Variants in FREM1 observed in about 807,000 individuals in gnomAD.
FREM1 encodes the protein FRAS1-related extracellular matrix protein 1.
In FREM1, 220 loss-of-function variants were observed where a neutral mutation model predicts 210.1. The observed-to-expected ratio is 1.05, with a 90% CI of 0.94 to 1.17. The LOEUF is 1.17. Among genes scored for constraint, FREM1 ranks in the 50% most tolerant of loss-of-function variants. The pLI, the probability that FREM1 is intolerant of heterozygous loss-of-function variation, is 0.00. For synonymous variants in FREM1, 1,189 were observed against 980.2 expected, an observed-to-expected ratio of 1.21 and a Z score of -3.98; for missense variants, 3,454 against 2,675.5, an observed-to-expected ratio of 1.29 and a Z score of -6.42.
At chr9:14,860,579 A>G (rs1277240246) in intron 3 of FREM1, among the ~76,000 whole-genome samples, 3 of 140,224 alleles carry the variant, frequency 2.1e-5, no homozygotes, top group African/African-American at 8.6e-5. Context: ...ACACATATAT[A>G]TACACATATA....
At chr9:14,891,896 T>C (rs1304780463) in intron 1 of FREM1, among the ~76,000 whole-genome samples, 2 of 152,130 alleles carry the variant, frequency 1.3e-5, no homozygotes, top group African/African-American at 2.4e-5. Context: ...CTTTAAGAGA[T>C]TGAGGTCTTG....
chr9:14,892,473 A>C (rs1350823731), intron 1 of FREM1, among the ~76,000 whole-genome samples: 2 of 152,066 alleles, frequency 1.3e-5, no homozygotes, highest in Non-Finnish European at 2.9e-5. Flanking sequence ...TTGAGACCCA[A>C]CTTATGAAAG....
intron 23 of FREM1, among the ~76,000 whole-genome samples, chr9:14,785,253 G>C (rs1016425625): frequency 2.0e-5 from 3 of 152,220 alleles, no homozygotes; most frequent in African/African-American, 7.2e-5. Context: ...TCATGCAGTA[G>C]TCAAATGAAT....
chr9:14,827,950 G>A (rs1046309397), intron 10 of FREM1, among the ~76,000 whole-genome samples: 5 of 152,238 alleles, frequency 3.3e-5, no homozygotes, highest in African/African-American at 1.2e-4. Flanking sequence ...CTTGTGTGCA[G>A]AGTGCAAGAG....
chr9:14,792,016 T>C (rs1208406208), intron 22 of FREM1, among the ~76,000 whole-genome samples: 2 of 152,056 alleles, frequency 1.3e-5, no homozygotes, highest in African/African-American at 4.8e-5. Flanking sequence ...GGCTAATTTT[T>C]GCATTTTTAG....
chr9:14,841,535 T>C lies in FREM1; in HGVS notation c.1793A>G (p.Tyr598Cys), dbSNP rs1825696047. Residue 598 changes from tyrosine (Y) to cysteine (C), a missense_variant, in exon 10 of 37, where the codon TAT becomes TGT. Tyr to Cys is a radical substitution (Grantham distance 194, BLOSUM62 -2). Coordinates refer to ENST00000380880, the MANE Select transcript of FREM1 (RefSeq NM_001379081.2). ...QRDLFNGIIY[Y>C]RHFGGEIFED... is the part of the protein sequence containing the mutation. ...AAAGATTTCTCCACCAAAATGACGA[T>C]AATAAATGATTCCATTAAACAAATC... 1.9e-6 allele frequency: 3 copies of C among 1,612,374 alleles called. No homozygotes were observed. The highest frequency in any genetic ancestry group is 1.1e-5 in the South Asian group (1 of 90,876).
Position 14,805,075 on chromosome 9 carries a change from C to T in FREM1, c.3352G>A (p.Ala1118Thr), listed in dbSNP as rs1445338405. 13 of 1,613,014 alleles carry T rather than the reference C, an allele frequency of 8.1e-6. No individual in the cohort carries two copies. The highest frequency in any genetic ancestry group is 1.0e-5 in the Non-Finnish European group (12 of 1,179,238). ...QSRHLRIEPT[A>T]DQFTVYVTDG... is the part of the protein sequence containing the mutation. Reference sequence around the variant, plus strand: ...GTGACGTACACCGTGAACTGGTCGGCAGTTGGTTCTATCCTCAGATGCCTG... The same window carrying T: ...GTGACGTACACCGTGAACTGGTCGGTAGTTGGTTCTATCCTCAGATGCCTG... Residue 1118 changes from alanine to threonine, a missense_variant, in exon 19 of 37, where the codon GCC becomes ACC. Coordinates refer to ENST00000380880, the MANE Select transcript of FREM1 (RefSeq NM_001379081.2).
chr9:14,816,999 A>ACAG (rs1820430152), intron 14 of FREM1, 128 bp from the exon 15 acceptor site: 1 of 401,670 alleles, frequency 2.5e-6, no homozygotes, highest in African/African-American at 2.0e-5. Context: ...AACAACAACA[A>ACAG]CAACAAAAAC....
In FREM1 at chr9:14,797,620, A is replaced by C. The variant is rs771795372; in HGVS notation, c.3717T>G (p.His1239Gln). The C allele has an allele frequency of 9.9e-6, 16 of 1,612,656 alleles. No homozygotes were observed. Among genetic ancestry groups the C allele is most frequent in the African/African-American group, 2.7e-5 (2 of 74,922 alleles). The change falls in exon 21 of 37, where the codon CAT becomes CAG. Residue 1239 changes from histidine to glutamine, a missense_variant. Transcript: ENST00000380880. ...CATCAGCAAGGCTCTCTGAGTCATCATGCATGTACGTCAACCTCATTCCTG... is the reference window on the plus strand; with the variant it reads ...CATCAGCAAGGCTCTCTGAGTCATCCTGCATGTACGTCAACCTCATTCCTG... Reference protein sequence around the residue: ...LKTGMRLTYMHDDSESLADDF... With the variant: ...LKTGMRLTYMQDDSESLADDF...
At chr9:14,835,212 A>G (rs1455049600) in intron 10 of FREM1, among the ~76,000 whole-genome samples, 1 of 152,242 alleles carries the variant, frequency 6.6e-6, no homozygotes, top group African/African-American at 2.4e-5. Flanking sequence ...TTCAGAGTCA[A>G]GGAAACTTAT....
At position 14,797,530 on chromosome 9, in the gene FREM1, GA is replaced by G. The variant is rs1852660267; in HGVS notation, c.3806del (p.Ile1269ThrfsTer10). On this transcript the variant is annotated frameshift_variant, in exon 21 of 37. Coordinates refer to ENST00000380880, the MANE Select transcript of FREM1 (RefSeq NM_001379081.2). LOFTEE classifies it high-confidence loss of function. Reference sequence around the variant, plus strand: ...GCATTGGTTTTTCATCATTAACTGGGATGACCTCTACTGAAATGGTTTTAAG... The same window carrying G: ...GCATTGGTTTTTCATCATTAACTGGGTGACCTCTACTGAAATGGTTTTAAG... The part of the protein sequence containing the change: ...KILKTISVEV[I>X]PVNDEKPMLS... 1 of 1,610,888 alleles carries G rather than the reference GA, an allele frequency of 6.2e-7. No homozygotes were observed.
At chr9:14,777,358 A>G (rs62535349) in intron 24 of FREM1, among the ~76,000 whole-genome samples, 40,446 of 151,840 alleles carry the variant, frequency 0.27, 6,225 homozygotes, top group Middle Eastern at 0.43. Context: ...AATTATGCAA[A>G]CAAGGCACAA....
chr9:14,824,008 T>G lies in FREM1; in HGVS notation c.2169+17A>C. 1 of 1,514,364 alleles carries G rather than the reference T, an allele frequency of 6.6e-7. No homozygotes were observed. The highest frequency in any genetic ancestry group is 9.0e-7 in the Non-Finnish European group (1 of 1,105,488). The allele number at this position is 1,514,364 out of a possible 1,614,324, so 93.8% of individuals were successfully genotyped here. On this transcript the variant is annotated intron_variant, in intron 12 of 36. Transcript: ENST00000380880. ...CACTTGCATCATGTTTGTCAGCATT[T>G]TAGCATATCCTCATACCTGAGTGAA...
In FREM1 at chr9:14,858,505, CTT is replaced by C. The variant is rs35912803; in HGVS notation, c.631+676_631+677del. ...GTGAGCCACCATGCCCAGCCACCCA[CTT>C]TTTTTTTTTTTTTTTGGAGTCTCAT... is the stretch of plus-strand genomic sequence containing the variant. On this transcript the variant is annotated intron_variant, in intron 4 of 36. Transcript: ENST00000380880. Among the ~76,000 whole-genome samples the C allele has an allele frequency of 7.1e-3, 981 of 138,346 alleles. 10 individuals are homozygous for C. The highest frequency in any genetic ancestry group is 0.022 in the African/African-American group (844 of 37,830). 90.8% of individuals were successfully genotyped at this position (138,346 alleles called of 152,430 possible).
In FREM1 at chr9:14,823,409, T is replaced by C. The variant is rs75561279; in HGVS notation, c.2170-82A>G. The C allele has an allele frequency of 7.5e-3, 9,222 of 1,237,728 alleles. 515 individuals are homozygous for C. The African/African-American group carries it at 0.12, about 17-fold the overall frequency. The allele number at this position is 1,237,728 out of a possible 1,614,324, so 76.7% of individuals were successfully genotyped here. On this transcript the variant is annotated intron_variant, in intron 12 of 36. Coordinates refer to ENST00000380880, the MANE Select transcript of FREM1 (RefSeq NM_001379081.2). ...TTAGAGGTCCAAGAGAACCATCATG[T>C]TAATTGATATTGAACACTGTAAATG...
In FREM1 at chr9:14,804,841, C is replaced by T. The variant is rs1818062576; in HGVS notation, c.3471+115G>A. ...TGATTGCATTACATAACATAGCCTTCCCCACTCCTCACCAATGCAATGTGT... is the reference window on the plus strand; with the variant it reads ...TGATTGCATTACATAACATAGCCTTTCCCACTCCTCACCAATGCAATGTGT... On this transcript the variant is annotated intron_variant, in intron 19 of 36. Coordinates refer to ENST00000380880, the MANE Select transcript of FREM1 (RefSeq NM_001379081.2). 5.8e-6 allele frequency: 4 copies of T among 686,926 alleles called. No homozygotes were observed. The South Asian group carries it at 8.2e-5, about 14-fold the overall frequency. 42.6% of individuals were successfully genotyped at this position (686,926 alleles called of 1,614,324 possible).
At chr9:14,821,889 A>G (rs1821395767) in intron 13 of FREM1, among the ~76,000 whole-genome samples, 1 of 152,180 alleles carries the variant, frequency 6.6e-6, no homozygotes. Flanking sequence ...TTGGCAATTC[A>G]TTATTTTCAT....
At chr9:14,904,234 C>T (rs1817291243) in intron 1 of FREM1, among the ~76,000 whole-genome samples, 1 of 151,758 alleles carries the variant, frequency 6.6e-6, no homozygotes, top group Non-Finnish European at 1.5e-5. Context: ...ATCATTTTCT[C>T]ATTAGAAATA....
At chr9:14,809,454 A>G (rs1325878405) in intron 16 of FREM1, among the ~76,000 whole-genome samples, 1 of 152,140 alleles carries the variant, frequency 6.6e-6, no homozygotes, top group African/African-American at 2.4e-5. Flanking sequence ...GGTTGCCATT[A>G]TTTCCCGTTT....
Sources: allele counts gnomAD v4.1 joint callset (sites outside exome capture counted in the v4.1 genomes callset), GRCh38; gene constraint gnomAD v4.1.1; transcripts MANE v1.5; gene names NCBI Gene and HGNC (gene_info 2026-07-23, HGNC 2026-07-21).